INPP5J: variants seen among roughly 807,000 people sequenced by gnomAD.
The protein encoded by INPP5J is phosphatidylinositol 4,5-bisphosphate 5-phosphatase A.
INPP5J carries 75 observed loss-of-function variants against 86.6 expected under a neutral mutation model. The ratio of observed to expected loss-of-function variants is 0.87; its 90% CI spans 0.72 to 1.05. The LOEUF (loss-of-function observed/expected upper bound fraction) is 1.05, where lower values mean the gene tolerates loss of function less well. INPP5J is among the 50% of genes least tolerant of loss of function. The probability of loss-of-function intolerance (pLI) is 0.00; values close to 1 mark genes in which losing one functional copy is unlikely to be tolerated. For synonymous variants in INPP5J, 540 were observed against 550.0 expected (o/e 0.98, Z 0.25); for missense variants, 1,229 against 1,341.2 (o/e 0.92, Z 1.31).
In INPP5J at chr22:31,123,014, C is replaced by A; in HGVS notation, c.-1C>A. 1 of 1,446,442 alleles carries A rather than the reference C, an allele frequency of 6.9e-7. No individual in the cohort carries two copies. Among genetic ancestry groups the A allele is most frequent in the Non-Finnish European group, 9.1e-7 (1 of 1,100,678 alleles). The allele number at this position is 1,446,442 out of a possible 1,614,324, so 89.6% of individuals were successfully genotyped here. ...AGTCCAGGCTGCCGGGGGCTGCAGA[C>A]ATGGAGGGCCAGAGCAGCAGGGGCA... On this transcript the variant is annotated 5_prime_UTR_variant, in exon 1 of 13. Coordinates refer to ENST00000331075, the MANE Select transcript of INPP5J (RefSeq NM_001284285.2).
intron 5 of INPP5J, 109 bp downstream of exon 5, chr22:31,127,146 C>G: frequency 1.1e-6 from 1 of 887,910 alleles, no homozygotes; most frequent in Non-Finnish European, 1.8e-6. Context: ...ACCCTTTACC[C>G]TGCGGCCCAG....
rs1455417045 is a variant in INPP5J at position 31,133,663 on chromosome 22, C to T, written c.2463C>T (p.Gly821=). 6.2e-7 allele frequency: 1 copy of T among 1,613,230 alleles called. No individual in the cohort carries two copies. Among genetic ancestry groups the T allele is most frequent in the Non-Finnish European group, 8.5e-7 (1 of 1,179,638 alleles). Residue 821 remains glycine (G), a synonymous_variant, in exon 12 of 13, where the codon GGC becomes GGT. Transcript: ENST00000331075. ...LPKGHGDFIL[G]YYSHNHSILI... is the part of the protein sequence containing the mutation. Reference sequence around the variant, plus strand: ...AGGGCCATGGAGACTTCATCCTGGGCTACTATAGTCACAACCACAGCATCC... The same window carrying T: ...AGGGCCATGGAGACTTCATCCTGGGTTACTATAGTCACAACCACAGCATCC...
intron 9 of INPP5J, among the ~76,000 whole-genome samples, chr22:31,130,170 A>T (rs749679125): frequency 6.6e-6 from 1 of 151,412 alleles, no homozygotes; most frequent in East Asian, 2.0e-4. Context: ...GGCGAAACCC[A>T]TCTCTACTAA....
In INPP5J at chr22:31,127,327, C is replaced by T. The variant is rs777084020; in HGVS notation, c.1612-30C>T. On this transcript the variant is annotated intron_variant, in intron 5 of 12. Transcript: ENST00000331075. ...GCCTCACCTCCTGGCCTAAGCCCCG[C>T]CCATGAGCCATCCGACCCTGCCTCC... The T allele has an allele frequency of 1.2e-5, 19 of 1,579,058 alleles. No homozygotes were observed. The South Asian group carries it at 2.1e-4, about 18-fold the overall frequency.
At chr22:31,127,614 G>C (rs1018385520) in intron 6 of INPP5J, 82 bp downstream of exon 6, 7 of 1,394,664 alleles carry the variant, frequency 5.0e-6, no homozygotes, top group Non-Finnish European at 6.8e-6. Flanking sequence ...GGGGCTTATG[G>C]AGAGAGGCAG....
chr22:31,125,275 C>A lies in INPP5J; in HGVS notation c.536C>A (p.Thr179Lys). 6.4e-7 allele frequency: 1 copy of A among 1,550,558 alleles called. No homozygotes were observed. The highest frequency in any genetic ancestry group is 1.2e-5 in the South Asian group (1 of 84,066). Residue 179 changes from threonine (T) to lysine (K), a missense_variant, in exon 2 of 13, where the codon ACA becomes AAA. By Grantham distance (78) the Thr-to-Lys change is moderately conservative (BLOSUM62 -1). Transcript: ENST00000331075. ...EPPASVGPKP[T>K]LAASGLSLAL... is the part of the protein sequence containing the mutation. ...CCTGCCTCCGTGGGACCCAAGCCAA[C>A]ACTGGCAGCCTCTGGCCTGAGCCTG... is the stretch of plus-strand genomic sequence containing the variant.
At chr22:31,131,365 C>T (rs1922048426) in intron 9 of INPP5J, among the ~76,000 whole-genome samples, 2 of 152,086 alleles carry the variant, frequency 1.3e-5, no homozygotes, top group Non-Finnish European at 2.9e-5. Context: ...GAGTTCGAGA[C>T]CAGCCTGGCC....
At chr22:31,127,073 A>G (rs1021152915) in intron 5 of INPP5J, 36 bp downstream of exon 5, 4 of 1,398,064 alleles carry the variant, frequency 2.9e-6, no homozygotes, top group East Asian at 2.4e-5. Context: ...AGGATGGGAC[A>G]TGAAGGGGGC....
chr22:31,134,244 C>T lies in INPP5J; in HGVS notation c.2846C>T (p.Ala949Val). The T allele has an allele frequency of 1.9e-6, 3 of 1,550,682 alleles. No homozygotes were observed. Among genetic ancestry groups the T allele is most frequent in the South Asian group, 2.4e-5 (2 of 83,956 alleles). Residue 949 changes from alanine to valine, a missense_variant, in exon 13 of 13, where the codon GCC becomes GTC. Transcript: ENST00000331075. ...EGPSGLPGPW[A>V]FPPAVPRSLG... is the part of the protein sequence containing the mutation. ...CCCTCTGGGTTGCCTGGCCCCTGGG[C>T]CTTCCCACCAGCTGTGCCTCGAAGC... is the stretch of plus-strand genomic sequence containing the variant.
intron 9 of INPP5J, among the ~76,000 whole-genome samples, chr22:31,130,283 G>A (rs1259289474): frequency 6.6e-6 from 1 of 152,228 alleles, no homozygotes; most frequent in Non-Finnish European, 1.5e-5. Flanking sequence ...AGAGGTTGCA[G>A]TGAGCCAGTA....
In INPP5J at chr22:31,125,948, A is replaced by G. The variant is rs1239029490; in HGVS notation, c.1209A>G (p.Thr403=). 1.9e-6 allele frequency: 3 copies of G among 1,610,642 alleles called. No homozygotes were observed. The highest frequency in any genetic ancestry group is 2.7e-5 in the African/African-American group (2 of 74,868). ...APAPVTTSSS[T]STLSSSPWSA... The stretch of plus-strand genomic sequence containing the variant: ...CCCCAGTCACCACCTCCTCTTCTAC[A>G]TCCACCCTGTCATCCTCCCCTTGGT... Residue 403 remains threonine, a synonymous_variant, in exon 2 of 13, where the codon ACA becomes ACG. Transcript: ENST00000331075.
rs200129581 is a variant in INPP5J, at chr22:31,126,505, A to G, written c.1385+16A>G. 6.2e-7 allele frequency: 1 copy of G among 1,611,036 alleles called. No homozygotes were observed. Among genetic ancestry groups the G allele is most frequent in the Non-Finnish European group, 8.5e-7 (1 of 1,177,736 alleles). On this transcript the variant is annotated intron_variant, in intron 3 of 12. Transcript: ENST00000331075. ...TCGCCATAGGGTGAGGTGGCAGGGC[A>G]TGTGGACCCCCTCCTGAGCCCCTCG...
chr22:31,124,324 TG>T, intron 1 of INPP5J: 1 of 987,982 alleles, frequency 1.0e-6, no homozygotes, highest in Non-Finnish European at 1.2e-6. Context: ...GGTGGGGAAC[TG>T]AGGGTTTCTG....
Position 31,125,412 on chromosome 22 carries a change from T to A in INPP5J, c.673T>A (p.Ser225Thr), listed in dbSNP as rs1203869810. ...GGCCCTGGCTCCAGCATCCACGGCA[T>A]CAGGCGCAGCCTCTGTGGGACAGAC... ...EQALAPASTASGAASVGQTSA... is the reference protein window; with the variant it reads ...EQALAPASTATGAASVGQTSA... The change falls in exon 2 of 13, where the codon TCA becomes ACA. Residue 225 changes from serine (S) to threonine (T), a missense_variant. Transcript: ENST00000331075. 1 of 1,550,606 alleles carries A rather than the reference T, an allele frequency of 6.4e-7. No homozygotes were observed. The highest frequency in any genetic ancestry group is 2.0e-5 in the Admixed American group (1 of 51,012).
Position 31,123,054 on chromosome 22 carries a change from A to C in INPP5J, c.40A>C (p.Thr14Pro), listed in dbSNP as rs1359973237. 6.8e-7 allele frequency: 1 copy of C among 1,480,502 alleles called. No homozygotes were observed. 91.7% of individuals were successfully genotyped at this position (1,480,502 alleles called of 1,614,324 possible). ...CAGCAGGGGCAGCAGGAGGCCAGGG[A>C]CCCGGGCTGGCCTGGGTTCCCTGCC... ...QSSRGSRRPG[T>P]RAGLGSLPMP... is the part of the protein sequence containing the mutation. Residue 14 changes from threonine (T) to proline (P), a missense_variant, in exon 1 of 13, where the codon ACC becomes CCC. Coordinates refer to ENST00000331075, the MANE Select transcript of INPP5J (RefSeq NM_001284285.2).
intron 4 of INPP5J, 68 bp downstream of exon 4, chr22:31,126,789 G>A (rs1174578096): frequency 6.7e-7 from 1 of 1,493,696 alleles, no homozygotes; most frequent in Non-Finnish European, 9.3e-7. Context: ...CTGTACCCTG[G>A]CTCACTGTGG....
At chr22:31,127,905 A>T in intron 6 of INPP5J, 46 bp from the exon 7 acceptor site, 1 of 994,320 alleles carries the variant, frequency 1.0e-6, no homozygotes, top group Non-Finnish European at 1.6e-6. Flanking sequence ...ACCTGTTGAC[A>T]CCCCCCACTG....
At chr22:31,131,322 T>C (rs901870105) in intron 9 of INPP5J, among the ~76,000 whole-genome samples, 1 of 152,152 alleles carries the variant, frequency 6.6e-6, no homozygotes, top group African/African-American at 2.4e-5. Context: ...CCCAGCACTT[T>C]GGGAGGCTGA....
At chr22:31,133,783 C>T in intron 12 of INPP5J, 69 bp downstream of exon 12, 2 of 1,568,854 alleles carry the variant, frequency 1.3e-6, no homozygotes, top group Non-Finnish European at 1.7e-6. Flanking sequence ...CCTCTACATT[C>T]TGCTCCTTGA....
Sources: allele counts gnomAD v4.1 joint callset (sites outside exome capture counted in the v4.1 genomes callset), GRCh38; gene constraint gnomAD v4.1.1; transcripts MANE v1.5; gene names NCBI Gene and HGNC (gene_info 2026-07-23, HGNC 2026-07-21).